Variants in CHRNA4 observed in about 807,000 individuals in gnomAD.
CHRNA4 encodes cholinergic receptor nicotinic alpha 4 subunit, also known as neuronal acetylcholine receptor subunit alpha-4.
CHRNA4 carries 28 observed loss-of-function variants against 48.9 expected under a neutral mutation model. The observed-to-expected ratio is 0.57, with a 90% CI of 0.42 to 0.79. The LOEUF (loss-of-function observed/expected upper bound fraction) is 0.79. CHRNA4 is among the 30% of genes least tolerant of loss of function. The pLI, the probability that CHRNA4 is intolerant of heterozygous loss-of-function variation, is 0.00. For synonymous variants in CHRNA4, 425 were observed against 402.3 expected, an observed-to-expected ratio of 1.06 and a Z score of -0.68; for missense variants, 859 against 898.4, an observed-to-expected ratio of 0.96 and a Z score of 0.56.
At chr20:63,355,157 A>G (rs928669701) in intron 4 of CHRNA4, among the ~76,000 whole-genome samples, 1 of 152,198 alleles carries the variant, frequency 6.6e-6, no homozygotes, top group Admixed American at 6.5e-5. Flanking sequence ...CTGTGGCCAG[A>G]GATCATCCCT....
chr20:63,355,076 G>T (rs558072529), intron 4 of CHRNA4, among the ~76,000 whole-genome samples: 1 of 152,312 alleles, frequency 6.6e-6, no homozygotes, highest in African/African-American at 2.4e-5. Context: ...TGGCTGGGAC[G>T]GGAGAGGAGG....
At chr20:63,347,768 T>C (rs775102022) in intron 5 of CHRNA4, among the ~76,000 whole-genome samples, 9 of 152,088 alleles carry the variant, frequency 5.9e-5, no homozygotes, top group Non-Finnish European at 1.3e-4. Flanking sequence ...GTGTCCTGGG[T>C]CCCAGGCCTG....
chr20:63,351,590 C>T (rs969710176), intron 4 of CHRNA4, among the ~76,000 whole-genome samples: 4 of 152,238 alleles, frequency 2.6e-5, no homozygotes. Context: ...CTGCCGTTAA[C>T]CCCAAGGACT....
intron 1 of CHRNA4, 48 bp downstream of exon 1, chr20:63,361,042 C>T (rs2068811283): frequency 9.5e-6 from 13 of 1,372,812 alleles, no homozygotes; most frequent in African/African-American, 1.5e-5. Context: ...GGTCCCAGGC[C>T]ATCCGAACGC....
Position 63,356,418 on chromosome 20 carries a change from A to C in CHRNA4, c.229-3T>G. 6.2e-7 allele frequency: 1 copy of C among 1,600,578 alleles called. No homozygotes were observed. The highest frequency in any genetic ancestry group is 8.5e-7 in the Non-Finnish European group (1 of 1,173,962). On this transcript the variant is annotated splice_region_variant and splice_polypyrimidine_tract_variant and intron_variant, in intron 2 of 5. Transcript: ENST00000370263. ...GTCATCATCTGGTTCTTCTCATCCT[A>C]GGGCACCGAGAGAGGAAGGGGGCCA...
At position 63,350,550 on chromosome 20, in the gene CHRNA4, G is replaced by A. The variant is rs2068578110; in HGVS notation, c.861C>T (p.Val287=). 6.2e-7 allele frequency: 1 copy of A among 1,613,904 alleles called. No homozygotes were observed. The highest frequency in any genetic ancestry group is 8.5e-7 in the Non-Finnish European group (1 of 1,180,028). ...TGATCTCGGTGATGAGCAGCAGGAA[G>A]ACGGTGAGCGACAGCAGCACGGAGA... is the stretch of plus-strand genomic sequence containing the variant. ...LCISVLLSLT[V]FLLLITEIIP... is the part of the protein sequence containing the mutation. Residue 287 remains valine, a synonymous_variant, in exon 5 of 6, where the codon GTC becomes GTT. Coordinates refer to ENST00000370263, the MANE Select transcript of CHRNA4 (RefSeq NM_000744.7).
At position 63,346,203 on chromosome 20, in the gene CHRNA4, C is replaced by G. The variant is rs112667865; in HGVS notation, c.*535G>C. The G allele has an allele frequency of 2.2e-6, 1 of 454,174 alleles. No individual in the cohort carries two copies. The highest frequency in any genetic ancestry group is 4.4e-6 in the Non-Finnish European group (1 of 226,926). 28.1% of individuals were successfully genotyped at this position (454,174 alleles called of 1,614,324 possible). Reference sequence around the variant, plus strand: ...CCTCTCCTAGCGAAGCAGATTGGAGCGCTGCTGGCTCACCCTCATGGGGCC... The same window carrying G: ...CCTCTCCTAGCGAAGCAGATTGGAGGGCTGCTGGCTCACCCTCATGGGGCC... On this transcript the variant is annotated 3_prime_UTR_variant, in exon 6 of 6. Transcript: ENST00000370263.
At chr20:63,359,383 C>T (rs958853513) in intron 2 of CHRNA4, 165 bp downstream of exon 2, 45 of 863,250 alleles carry the variant, frequency 5.2e-5, no homozygotes, top group Non-Finnish European at 7.9e-5. Context: ...GGCTGGGGCT[C>T]AGGCGGGGCA....
In CHRNA4 at chr20:63,355,974, CTTG is replaced by C; in HGVS notation, c.381_383del (p.Asn128del). 4 of 1,611,238 alleles carry C rather than the reference CTTG, an allele frequency of 2.5e-6. No homozygotes were observed. Among genetic ancestry groups the C allele is most frequent in the Non-Finnish European group, 3.4e-6 (4 of 1,179,216 alleles). Reference sequence around the variant, plus strand: ...GGACTCACTTGTTGTAGAGGACTCACTTGTTGTAGAGGACGATGTCCGGCCGCC... The same window carrying C: ...GGACTCACTTGTTGTAGAGGACTCACTTGTAGAGGACGATGTCCGGCCGCC... On this transcript the variant is annotated inframe_deletion and splice_region_variant, in exon 4 of 6. Coordinates refer to ENST00000370263, the MANE Select transcript of CHRNA4 (RefSeq NM_000744.7).
chr20:63,356,177 A>AGGGTG, intron 3 of CHRNA4, 93 bp from the exon 4 acceptor site: 1 of 393,114 alleles, frequency 2.5e-6, no homozygotes, highest in Admixed American at 3.3e-5. Context: ...GGGCAGGGCC[A>AGGGTG]GGGCAGGGCA....
chr20:63,358,149 A>G (rs6010918), intron 2 of CHRNA4, among the ~76,000 whole-genome samples: 133,154 of 152,202 alleles, frequency 0.87, 59,535 homozygotes, highest in East Asian at 1. Context: ...GAGCCACTCA[A>G]GGGCAGCTCC....
intron 1 of CHRNA4, 107 bp downstream of exon 1, chr20:63,360,983 C>T: frequency 1.0e-6 from 1 of 987,084 alleles, no homozygotes; most frequent in Non-Finnish European, 1.3e-6. Context: ...GTCGCGCGCA[C>T]CCGCGGCTTG....
At position 63,350,964 on chromosome 20, in the gene CHRNA4, C is replaced by A. The variant is rs2068588322; in HGVS notation, c.447G>T (p.Val149=). 6.2e-7 allele frequency: 1 copy of A among 1,613,652 alleles called. No individual in the cohort carries two copies. Among genetic ancestry groups the A allele is most frequent in the South Asian group, 1.1e-5 (1 of 91,086 alleles). The change falls in exon 5 of 6, where the codon GTG becomes GTT. Residue 149 remains valine, a synonymous_variant. Coordinates refer to ENST00000370263, the MANE Select transcript of CHRNA4 (RefSeq NM_000744.7). ...TGTAAATGGCCGGGGGAGTCCACTG[C>A]ACCCGCCCGTCATGGAACAGGTGGG... ...TKAHLFHDGR[V]QWTPPAIYKS... is the part of the protein sequence containing the mutation.
rs960425000 is a variant in CHRNA4 at position 63,346,070 on chromosome 20, A to G, written c.*668T>C. ...CCGCGTGGGCCTCCCGATTCTCCCC[A>G]CGCGGAACCAGCTCCACAAAACTCT... On this transcript the variant is annotated 3_prime_UTR_variant, in exon 6 of 6. Coordinates refer to ENST00000370263, the MANE Select transcript of CHRNA4 (RefSeq NM_000744.7). 3.3e-5 allele frequency: 15 copies of G among 453,828 alleles called. No individual in the cohort carries two copies. The highest frequency in any genetic ancestry group is 6.6e-5 in the Non-Finnish European group (15 of 226,722). The allele number at this position is 453,828 out of a possible 1,614,324, so 28.1% of individuals were successfully genotyped here.
rs1452753605 is a variant in CHRNA4, at chr20:63,343,353, T to C, written c.*3385A>G. On this transcript the variant is annotated 3_prime_UTR_variant, in exon 6 of 6. Transcript: ENST00000370263. ...GGCGGGCCACACGGTCGGCGGGGCT[T>C]GGTCCATGGGGCTGGCCGGGCTTGC... is the stretch of plus-strand genomic sequence containing the variant. 1 of 453,612 alleles carries C rather than the reference T, an allele frequency of 2.2e-6. No individual in the cohort carries two copies. The highest frequency in any genetic ancestry group is 4.4e-6 in the Non-Finnish European group (1 of 226,422). 28.1% of individuals were successfully genotyped at this position (453,612 alleles called of 1,614,324 possible).
Position 63,343,488 on chromosome 20 carries a change from C to T in CHRNA4, c.*3250G>A, listed in dbSNP as rs1305252214. 1 of 454,038 alleles carries T rather than the reference C, an allele frequency of 2.2e-6. No individual in the cohort carries two copies. Among genetic ancestry groups the T allele is most frequent in the African/African-American group, 2.0e-5 (1 of 50,010 alleles). 28.1% of individuals were successfully genotyped at this position (454,038 alleles called of 1,614,324 possible). The stretch of plus-strand genomic sequence containing the variant: ...CGCCTCTGCTCCAGGGGACACCTAA[C>T]CCAGCAGTCCCACAGCAGCTGCGTG... On this transcript the variant is annotated 3_prime_UTR_variant, in exon 6 of 6. Transcript: ENST00000370263.
chr20:63,359,803 C>T, intron 1 of CHRNA4, 104 bp from the exon 2 acceptor site: 1 of 1,395,626 alleles, frequency 7.2e-7, no homozygotes, highest in South Asian at 1.3e-5. Context: ...AGCACGTCCA[C>T]TTCCTTTCAG....
intron 4 of CHRNA4, 40 bp downstream of exon 4, chr20:63,355,935 C>A: frequency 6.2e-7 from 1 of 1,606,410 alleles, no homozygotes; most frequent in South Asian, 1.1e-5. Context: ...TCCTGCCCAC[C>A]AAGGCCCTGT....
rs1404835875 is a variant in CHRNA4 at position 63,345,588 on chromosome 20, C to G, written c.*1150G>C. On this transcript the variant is annotated 3_prime_UTR_variant, in exon 6 of 6. Coordinates refer to ENST00000370263, the MANE Select transcript of CHRNA4 (RefSeq NM_000744.7). The surrounding 1 kb of genome is among the most constrained non-coding windows in gnomAD (Gnocchi z 5.4). The stretch of plus-strand genomic sequence containing the variant: ...GAGGCTGTGCTGAGCTCTGCCTGCC[C>G]TGCCAGGACGGAGGGCATGGGCCTG... The G allele has an allele frequency of 4.5e-6, 2 of 447,236 alleles. No homozygotes were observed. The highest frequency in any genetic ancestry group is 9.0e-6 in the Non-Finnish European group (2 of 221,420). 27.7% of individuals were successfully genotyped at this position (447,236 alleles called of 1,614,324 possible). A position where few individuals can be genotyped will look rare whatever the true frequency, so the allele number is the denominator to read the frequency against.
Sources: gnomAD v4.1 joint callset for allele counts (sites outside exome capture counted in the v4.1 genomes callset) on GRCh38, gnomAD v4.1.1 for gene constraint, Gnocchi (gnomAD v3.1) non-coding constraint, MANE v1.5 for transcripts, NCBI Gene and HGNC (gene_info 2026-07-23, HGNC 2026-07-21) for gene names.